Variants in HS6ST3 observed in about 807,000 individuals in gnomAD.
HS6ST3 encodes heparan-sulfate 6-O-sulfotransferase 3.
In HS6ST3, 12 loss-of-function variants were observed where a neutral mutation model predicts 36.7. The ratio of observed to expected loss-of-function variants is 0.33; its 90% CI spans 0.21 to 0.53. The LOEUF (loss-of-function observed/expected upper bound fraction) is 0.53. Ranked by LOEUF, HS6ST3 falls within the 20% of genes least tolerant of loss-of-function variation. HS6ST3 has a pLI of 0.95. For missense variants in HS6ST3, 584 were observed against 640.9 expected, an observed-to-expected ratio of 0.91 and a Z score of 0.96; for synonymous variants, 240 against 257.5, an observed-to-expected ratio of 0.93 and a Z score of 0.65.
intron 1 of HS6ST3, among the ~76,000 whole-genome samples, chr13:96,706,440 T>TATATATATATATATATATATAC (rs1491180585): frequency 7.3e-6 from 1 of 137,604 alleles, no homozygotes; most frequent in African/African-American, 2.8e-5. Flanking sequence ...TATATATATA[T>TATATATATATATATATATATAC]AATCAGGGAA....
At chr13:96,397,679 A>G (rs1376983166) in intron 1 of HS6ST3, among the ~76,000 whole-genome samples, 1 of 152,188 alleles carries the variant, frequency 6.6e-6, no homozygotes, top group Non-Finnish European at 1.5e-5. Flanking sequence ...AAAAACACAA[A>G]CAAACAAAAC....
intron 1 of HS6ST3, among the ~76,000 whole-genome samples, chr13:96,215,453 A>T (rs767565786): frequency 5.3e-5 from 8 of 152,292 alleles, no homozygotes; most frequent in Admixed American, 1.3e-4. Flanking sequence ...TGCCTTTCCC[A>T]TGTGTTACCA....
chr13:96,550,471 T>G (rs1017919745), intron 1 of HS6ST3, among the ~76,000 whole-genome samples: 2 of 152,118 alleles, frequency 1.3e-5, no homozygotes, highest in African/African-American at 4.8e-5. Flanking sequence ...AATTACCCAG[T>G]CTTAGGCATT....
chr13:96,494,619 A>C (rs2055965288), intron 1 of HS6ST3, among the ~76,000 whole-genome samples: 1 of 151,976 alleles, frequency 6.6e-6, no homozygotes, highest in African/African-American at 2.4e-5. Flanking sequence ...GTGTACTTTC[A>C]TTAAGCTCCA....
chr13:96,527,338 T>A (rs2056118227), intron 1 of HS6ST3, among the ~76,000 whole-genome samples: 1 of 151,988 alleles, frequency 6.6e-6, no homozygotes, highest in Non-Finnish European at 1.5e-5. Context: ...TTTAAGGGAT[T>A]TTTTTTTAAA....
At chr13:96,315,114 A>G (rs1259413964) in intron 1 of HS6ST3, among the ~76,000 whole-genome samples, 1 of 152,218 alleles carries the variant, frequency 6.6e-6, no homozygotes, top group Non-Finnish European at 1.5e-5. Flanking sequence ...TTCATGCTGA[A>G]TATATCAGCT....
intron 1 of HS6ST3, among the ~76,000 whole-genome samples, chr13:96,249,854 A>G (rs1244497116): frequency 1.3e-5 from 2 of 152,172 alleles, no homozygotes; most frequent in African/African-American, 4.8e-5. Flanking sequence ...AATGACAGAA[A>G]TTTTATTATT....
intron 1 of HS6ST3, among the ~76,000 whole-genome samples, chr13:96,791,947 A>G (rs1566454823): frequency 6.6e-6 from 1 of 152,106 alleles, no homozygotes; most frequent in Non-Finnish European, 1.5e-5. Flanking sequence ...GTATACACAC[A>G]AATGTGCCAT....
chr13:96,304,459 G>T (rs1235879320), intron 1 of HS6ST3, among the ~76,000 whole-genome samples: 1 of 151,984 alleles, frequency 6.6e-6, no homozygotes, highest in Non-Finnish European at 1.5e-5. Context: ...TAGTGCCAAG[G>T]CCTAATCAAG....
Position 96,465,398 on chromosome 13 carries a change from C to T in HS6ST3, c.708-367092C>T, listed in dbSNP as rs76072341. On this transcript the variant is annotated intron_variant, in intron 1 of 1. Transcript: ENST00000376705. ...AATACTCATAGAAGGGAATACTACA[C>T]AGCAATGAAAAGAATTGAAATACAG... is the stretch of plus-strand genomic sequence containing the variant. Among the ~76,000 whole-genome samples the T allele has an allele frequency of 3.0e-3, 459 of 152,250 alleles. 3 individuals are homozygous for T. The highest frequency in any genetic ancestry group is 0.01 in the African/African-American group (436 of 41,552).
intron 1 of HS6ST3, among the ~76,000 whole-genome samples, chr13:96,702,002 A>G (rs1875301568): frequency 6.6e-6 from 1 of 152,182 alleles, no homozygotes; most frequent in African/African-American, 2.4e-5. Context: ...TGAGGGAAAC[A>G]TGATATAGCA....
intron 1 of HS6ST3, among the ~76,000 whole-genome samples, chr13:96,400,038 T>C (rs1406065860): frequency 6.6e-6 from 1 of 152,114 alleles, no homozygotes; most frequent in African/African-American, 2.4e-5. Flanking sequence ...CACTAAAAGT[T>C]TGAGTCCTGT....
intron 1 of HS6ST3, among the ~76,000 whole-genome samples, chr13:96,606,853 T>C (rs1218742246): frequency 6.6e-6 from 1 of 151,890 alleles, no homozygotes; most frequent in Non-Finnish European, 1.5e-5. Flanking sequence ...TGAATACATG[T>C]AACAGATAAA....
chr13:96,485,329 T>G (rs1213630187), intron 1 of HS6ST3, among the ~76,000 whole-genome samples: 1 of 142,948 alleles, frequency 7.0e-6, no homozygotes, highest in Admixed American at 6.8e-5. Flanking sequence ...TACCAAAATA[T>G]TTTTTTTTAG....
intron 1 of HS6ST3, among the ~76,000 whole-genome samples, chr13:96,426,743 A>G (rs1333918343): frequency 1.3e-5 from 2 of 152,078 alleles, no homozygotes; most frequent in Non-Finnish European, 2.9e-5. Context: ...GCTCTTCTGA[A>G]GTTGGTCCCT....
intron 1 of HS6ST3, among the ~76,000 whole-genome samples, chr13:96,098,931 A>C (rs577581928): frequency 2.0e-5 from 3 of 152,174 alleles, no homozygotes; most frequent in African/African-American, 7.2e-5. Context: ...CATCTCATGC[A>C]TATATGTTTG....
At chr13:96,435,813 T>A (rs76808764) in intron 1 of HS6ST3, among the ~76,000 whole-genome samples, 6 of 150,058 alleles carry the variant, frequency 4.0e-5, no homozygotes, top group African/African-American at 1.5e-4. Flanking sequence ...CTTTTTTTTT[T>A]ATCAGACTTT....
At chr13:96,489,434 T>C (rs2138904463) in intron 1 of HS6ST3, among the ~76,000 whole-genome samples, 1 of 151,086 alleles carries the variant, frequency 6.6e-6, no homozygotes, top group South Asian at 2.1e-4. Context: ...TAGTAAAAAA[T>C]AAAAAACATG....
intron 1 of HS6ST3, among the ~76,000 whole-genome samples, chr13:96,579,251 G>A (rs1187298757): frequency 2.6e-5 from 4 of 152,092 alleles, no homozygotes; most frequent in Non-Finnish European, 5.9e-5. Context: ...AACTGTTGAT[G>A]TTATTTTCTA....
Sources: gnomAD v4.1 joint callset for allele counts (sites outside exome capture counted in the v4.1 genomes callset) on GRCh38, gnomAD v4.1.1 for gene constraint, MANE v1.5 for transcripts, NCBI Gene and HGNC (gene_info 2026-07-23, HGNC 2026-07-21) for gene names.